The following PTPN5 variants were observed in gnomAD, a reference collection of about 807,000 sequenced individuals.
The protein encoded by PTPN5 is protein tyrosine phosphatase non-receptor type 5, also known as tyrosine-protein phosphatase non-receptor type 5.
PTPN5 carries 29 observed loss-of-function variants against 73.9 expected under a neutral mutation model. The observed-to-expected ratio is 0.39, with a 90% confidence interval of 0.29 to 0.54. The LOEUF is 0.54. PTPN5 is among the 20% of genes least tolerant of loss of function. PTPN5 has a pLI of 0.65. For missense variants in PTPN5, 652 were observed against 751.4 expected, an observed-to-expected ratio of 0.87 and a Z score of 1.55; for synonymous variants, 267 against 304.7, an observed-to-expected ratio of 0.88 and a Z score of 1.29.
At chr11:18,749,431 C>T in intron 3 of PTPN5, 2 of 503,138 alleles carry the variant, frequency 4.0e-6, no homozygotes, top group Non-Finnish European at 7.8e-6. Context: ...TGCCGCTTCT[C>T]AGTAAAGGGT....
At chr11:18,781,161 G>A (rs1389503826) in intron 1 of PTPN5, among the ~76,000 whole-genome samples, 2 of 140,464 alleles carry the variant, frequency 1.4e-5, no homozygotes, top group African/African-American at 5.3e-5. Context: ...GCCCCGCCCC[G>A]GCCCCCTTGA....
chr11:18,782,966 C>A (rs1336015233), intron 1 of PTPN5, among the ~76,000 whole-genome samples: 3 of 152,186 alleles, frequency 2.0e-5, no homozygotes, highest in Non-Finnish European at 2.9e-5. Flanking sequence ...AGAGACTTGG[C>A]CACATCTGTA....
chr11:18,729,474 G>A lies in PTPN5; in HGVS notation c.1583C>T (p.Thr528Met), dbSNP rs768732640. Residue 528 changes from threonine (T) to methionine (M), a missense_variant, in exon 14 of 15, where the codon ACG becomes ATG. Thr to Met is a moderately conservative substitution (Grantham distance 81). This residue lies in a region of PTPN5 where 102 missense variants were observed against 160.5 expected (regional missense o/e 0.64). Transcript: ENST00000358540. The surrounding 1 kb of genome is among the most constrained non-coding windows in gnomAD (Gnocchi z 5.2). ...TGACCTGTCCTGACGGAGCTGGCAC[G>A]TGGTCTTCAGGATGTCCACCACACC... ...QEGVVDILKT[T>M]CQLRQDRGGM... 8 of 1,568,366 alleles carry A rather than the reference G, an allele frequency of 5.1e-6. No homozygotes were observed. Among genetic ancestry groups the A allele is most frequent in the East Asian group, 2.2e-5 (1 of 44,696 alleles).
chr11:18,760,319 G>A (rs1106866), intron 3 of PTPN5, among the ~76,000 whole-genome samples: 30,902 of 152,134 alleles, frequency 0.2, 3,476 homozygotes, highest in African/African-American at 0.31. Flanking sequence ...AGAGATAGGC[G>A]CTGCAGGATT....
intron 7 of PTPN5, among the ~76,000 whole-genome samples, chr11:18,741,101 ATC>A (rs1849344560): frequency 6.6e-6 from 1 of 152,110 alleles, no homozygotes; most frequent in Non-Finnish European, 1.5e-5. Context: ...ACTCTCCTCC[ATC>A]ACCGTTGGAG....
At chr11:18,779,358 GA>G (rs548869120) in intron 1 of PTPN5, among the ~76,000 whole-genome samples, 6,052 of 141,160 alleles carry the variant, frequency 0.043, 381 homozygotes, top group African/African-American at 0.14. Context: ...CTTTTGCAAG[GA>G]AAAAAAAAAA....
chr11:18,739,436 G>A (rs574376522), intron 8 of PTPN5, among the ~76,000 whole-genome samples: 22 of 152,350 alleles, frequency 1.4e-4, no homozygotes, highest in Admixed American at 1.2e-3. Flanking sequence ...GCACGGACGA[G>A]ACTGGCCCAG....
At chr11:18,752,651 T>C (rs1453475465) in intron 3 of PTPN5, among the ~76,000 whole-genome samples, 1 of 152,266 alleles carries the variant, frequency 6.6e-6, no homozygotes, top group African/African-American at 2.4e-5. Context: ...TGCAAACAGC[T>C]TTGTTGCTGC....
In PTPN5 at chr11:18,729,717, C is replaced by T. The variant is rs1234647788; in HGVS notation, c.1431G>A (p.Glu477=). The stretch of plus-strand genomic sequence containing the variant: ...CCTCCTGCTGGGCTGCCTCCTCCAC[C>T]TCCCGCACCAGGTGCAGGAGTGGGG... ...RAPPLLHLVR[E]VEEAAQQEGP... The change falls in exon 13 of 15, where the codon GAG becomes GAA. Residue 477 remains glutamate, a synonymous_variant. Coordinates refer to ENST00000358540, the MANE Select transcript of PTPN5 (RefSeq NM_006906.2). The surrounding 1 kb of genome is among the most constrained non-coding windows in gnomAD (Gnocchi z 5.2). The T allele has an allele frequency of 4.4e-6, 7 of 1,592,596 alleles. No homozygotes were observed. Among genetic ancestry groups the T allele is most frequent in the Non-Finnish European group, 4.3e-6 (5 of 1,166,050 alleles).
intron 3 of PTPN5, among the ~76,000 whole-genome samples, chr11:18,757,235 T>C (rs868676953): frequency 7.3e-4 from 111 of 152,220 alleles, no homozygotes; most frequent in African/African-American, 2.6e-3. Context: ...ATGAAAAAAA[T>C]TGCTTTTCTC....
At chr11:18,758,361 A>C (rs1850242824) in intron 3 of PTPN5, among the ~76,000 whole-genome samples, 1 of 152,176 alleles carries the variant, frequency 6.6e-6, no homozygotes, top group Non-Finnish European at 1.5e-5. Context: ...TAAGAAGTCC[A>C]ACTACCATGA....
Position 18,740,607 on chromosome 11 carries a change from A to G in PTPN5, c.911T>C (p.Phe304Ser). The G allele has an allele frequency of 6.4e-7, 1 of 1,564,648 alleles. No individual in the cohort carries two copies. Among genetic ancestry groups the G allele is most frequent in the Non-Finnish European group, 8.7e-7 (1 of 1,154,578 alleles). The change falls in exon 8 of 15, where the codon TTC becomes TCC. Residue 304 changes from phenylalanine (F) to serine (S), a missense_variant. Phe to Ser is a radical substitution (Grantham distance 155, BLOSUM62 -2). Transcript: ENST00000358540. ...ALDPFLLQAE[F>S]FEIPMNFVDP... Reference sequence around the variant, plus strand: ...GACCGGCTCAAGGGAACTCACAAAGAATTCCGCCTGCAGCAGGAAAGGGTC... The same window carrying G: ...GACCGGCTCAAGGGAACTCACAAAGGATTCCGCCTGCAGCAGGAAAGGGTC...
intron 2 of PTPN5, among the ~76,000 whole-genome samples, chr11:18,768,560 A>G (rs1850737517): frequency 6.6e-6 from 1 of 152,222 alleles, no homozygotes; most frequent in African/African-American, 2.4e-5. Flanking sequence ...TTCACACCTT[A>G]AGCCTCTCAG....
chr11:18,767,055 A>G (rs141707229), intron 2 of PTPN5, among the ~76,000 whole-genome samples: 99 of 152,318 alleles, frequency 6.5e-4, no homozygotes, highest in African/African-American at 2.4e-3. Context: ...ATAAATCCCC[A>G]CATTTTAGCT....
In PTPN5 at chr11:18,729,655, C is replaced by G; in HGVS notation, c.1490+3G>C. 1 of 1,573,942 alleles carries G rather than the reference C, an allele frequency of 6.4e-7. No homozygotes were observed. The highest frequency in any genetic ancestry group is 1.1e-5 in the South Asian group (1 of 87,522). On this transcript the variant is annotated splice_donor_region_variant and intron_variant, in intron 13 of 14. Transcript: ENST00000358540. This position sits in a 1 kb window ranked among gnomAD's most constrained non-coding sequence, Gnocchi z 5.2. ...GCTCCAGTGGCTGGCTGGGAGGACC[C>G]ACCTGCAGTGGACGATGATGGGGGC... is the stretch of plus-strand genomic sequence containing the variant.
At chr11:18,734,004 G>T (rs532391008) in intron 9 of PTPN5, among the ~76,000 whole-genome samples, 1 of 152,234 alleles carries the variant, frequency 6.6e-6, no homozygotes, top group African/African-American at 2.4e-5. Flanking sequence ...GCTAGCTTGA[G>T]TACACACTGT....
chr11:18,767,622 C>A (rs572395744), intron 2 of PTPN5, among the ~76,000 whole-genome samples: 76 of 152,320 alleles, frequency 5.0e-4, no homozygotes, highest in Middle Eastern at 6.8e-3. Flanking sequence ...ACAAACTGCA[C>A]AACTGGATGT....
At chr11:18,782,520 G>A (rs942498481) in intron 1 of PTPN5, among the ~76,000 whole-genome samples, 6 of 152,154 alleles carry the variant, frequency 3.9e-5, no homozygotes, top group Admixed American at 6.5e-5. Context: ...GAGCCACTGC[G>A]TCTGGCTTCT....
chr11:18,743,494 G>T, intron 4 of PTPN5, 65 bp from the exon 5 acceptor site: 1 of 1,433,922 alleles, frequency 7.0e-7, no homozygotes, highest in Non-Finnish European at 9.8e-7. Context: ...CCCCAGCAGA[G>T]CTCACCTGCA....
Sources: gnomAD v4.1 joint callset for allele counts (sites outside exome capture counted in the v4.1 genomes callset) on GRCh38, gnomAD v4.1.1 for gene constraint, gnomAD v4.1.1 regional missense constraint, Gnocchi (gnomAD v3.1) non-coding constraint, MANE v1.5 for transcripts, NCBI Gene and HGNC (gene_info 2026-07-23, HGNC 2026-07-21) for gene names.